ADAM12: variants seen among roughly 807,000 people sequenced by gnomAD.
ADAM12 encodes the protein ADAM metallopeptidase domain 12, also known as disintegrin and metalloproteinase domain-containing protein 12.
In ADAM12, 70 loss-of-function variants were observed where a neutral mutation model predicts 106.4. The observed-to-expected ratio is 0.66, with a 90% CI of 0.54 to 0.80. ADAM12 has a LOEUF of 0.80. Among genes scored for constraint, ADAM12 ranks in the 30% least tolerant of loss-of-function variants. The probability of loss-of-function intolerance (pLI) is 0.00; values close to 1 mark genes in which losing one functional copy is unlikely to be tolerated. For synonymous variants in ADAM12, 420 were observed against 433.5 expected (o/e 0.97, Z 0.39); for missense variants, 1,010 against 1,171.9 (o/e 0.86, Z 2.02).
intron 1 of ADAM12, among the ~76,000 whole-genome samples, chr10:126,331,704 C>T (rs1460385219): frequency 6.6e-6 from 1 of 152,160 alleles, no homozygotes; most frequent in Non-Finnish European, 1.5e-5. Context: ...GGCTGAGCTG[C>T]AACCCTCGAC....
Position 126,019,661 on chromosome 10 carries a change from A to G in ADAM12, c.2660+34T>C, listed in dbSNP as rs370639488. The G allele has an allele frequency of 1.4e-4, 229 of 1,603,376 alleles. 1 individual carries two copies. The African/African-American group carries it at 2.7e-3, about 19-fold the overall frequency. On this transcript the variant is annotated intron_variant, in intron 22 of 22. Transcript: ENST00000448723. ...GTGGTTGGTCCCACAAGAGTTTGAG[A>G]GAGAAAGAGATGGGCATGGCATGTC...
intron 13 of ADAM12, among the ~76,000 whole-genome samples, chr10:126,065,995 C>T (rs1489986989): frequency 6.6e-6 from 1 of 152,164 alleles, no homozygotes; most frequent in East Asian, 1.9e-4. Flanking sequence ...TGTTATAATG[C>T]ACTTCTAAAT....
intron 18 of ADAM12, among the ~76,000 whole-genome samples, chr10:126,040,486 C>A (rs61863619): frequency 6.6e-6 from 1 of 152,146 alleles, no homozygotes; most frequent in Non-Finnish European, 1.5e-5. Context: ...TCTTTCACAC[C>A]TTCTTGGTTT....
chr10:126,082,363 GTTTTT>G (rs5788763), intron 11 of ADAM12, among the ~76,000 whole-genome samples: 6 of 80,780 alleles, frequency 7.4e-5, no homozygotes, highest in Admixed American at 3.6e-4. Context: ...TCTAATGACT[GTTTTT>G]TTTTTTTTTT....
intron 3 of ADAM12, among the ~76,000 whole-genome samples, chr10:126,260,390 C>G (rs1174968213): frequency 5.3e-5 from 8 of 152,204 alleles, no homozygotes; most frequent in Non-Finnish European, 1.0e-4. Flanking sequence ...GCCCCAAACA[C>G]TTAAAATTTC....
rs189640108 is a variant in ADAM12 at position 126,139,161 on chromosome 10, G to A, written c.340-3501C>T. On this transcript the variant is annotated intron_variant, in intron 4 of 22. Transcript: ENST00000448723. ...ATTACACTGAAGTACAGGTCAGTTT[G>A]GGAAGAACTTATATTTTCATAATAA... Among the ~76,000 whole-genome samples, 391 of 152,206 alleles carry A rather than the reference G, an allele frequency of 2.6e-3. 2 individuals carry two copies. Among genetic ancestry groups the A allele is most frequent in the African/African-American group, 9.1e-3 (378 of 41,538 alleles).
At chr10:126,258,128 T>C (rs1182983528) in intron 3 of ADAM12, among the ~76,000 whole-genome samples, 1 of 152,214 alleles carries the variant, frequency 6.6e-6, no homozygotes, top group Non-Finnish European at 1.5e-5. Context: ...CAATCCACTG[T>C]CTACTGACAA....
chr10:126,300,897 A>T (rs1960593109), intron 2 of ADAM12, among the ~76,000 whole-genome samples: 1 of 152,150 alleles, frequency 6.6e-6, no homozygotes, highest in Non-Finnish European at 1.5e-5. Flanking sequence ...AGGCAGCTTG[A>T]AGCTTTCTGT....
intron 3 of ADAM12, among the ~76,000 whole-genome samples, chr10:126,244,974 T>C (rs1161859300): frequency 1.3e-5 from 2 of 152,170 alleles, no homozygotes; most frequent in Middle Eastern, 3.4e-3. Context: ...CATCCAGCTA[T>C]GTTTGAAGAT....
intron 11 of ADAM12, among the ~76,000 whole-genome samples, chr10:126,083,218 C>T (rs576037658): frequency 6.6e-6 from 1 of 152,370 alleles, no homozygotes; most frequent in Admixed American, 6.5e-5. Flanking sequence ...TCACTGACAC[C>T]TCTGGGAGCC....
chr10:126,043,944 A>G lies in ADAM12; in HGVS notation c.1996-796T>C, dbSNP rs972530539. ...GCTTCACCCTTGTTGGGCCCAGCTC[A>G]TAGACCAGAGCATTCCATGCAGGGG... On this transcript the variant is annotated intron_variant, in intron 17 of 22. Transcript: ENST00000448723. This position sits in a 1 kb window ranked among gnomAD's most constrained non-coding sequence, Gnocchi z 4.1. Among the ~76,000 whole-genome samples the G allele has an allele frequency of 1.3e-5, 2 of 152,280 alleles. No individual in the cohort carries two copies. The highest frequency in any genetic ancestry group is 1.3e-4 in the Admixed American group (2 of 15,300).
chr10:126,276,982 G>A (rs1461319096), intron 3 of ADAM12, among the ~76,000 whole-genome samples: 3 of 152,058 alleles, frequency 2.0e-5, no homozygotes, highest in Admixed American at 6.5e-5. Flanking sequence ...ACAACCAGAC[G>A]GGCTCTAAGA....
chr10:126,310,504 G>C (rs945403631), intron 2 of ADAM12, among the ~76,000 whole-genome samples: 1 of 152,172 alleles, frequency 6.6e-6, no homozygotes, highest in Non-Finnish European at 1.5e-5. Context: ...TTCCAAGCAA[G>C]TGGTAGGGTA....
rs547005171 is a variant in ADAM12, at chr10:126,229,389, T to C, written c.260+49526A>G. Among the ~76,000 whole-genome samples, 3 of 152,344 alleles carry C rather than the reference T, an allele frequency of 2.0e-5. No individual in the cohort carries two copies. In the South Asian group the frequency reaches 6.2e-4, roughly 32 times the overall value. The stretch of plus-strand genomic sequence containing the variant: ...GCATGGCAGTTCTGAGGATAAATTA[T>C]GTTTGATGCATTTGAAGACTTTCAT... On this transcript the variant is annotated intron_variant, in intron 3 of 22. Coordinates refer to ENST00000448723, the MANE Select transcript of ADAM12 (RefSeq NM_001288973.2).
chr10:126,301,435 C>A (rs917623082), intron 2 of ADAM12, among the ~76,000 whole-genome samples: 1 of 152,124 alleles, frequency 6.6e-6, no homozygotes, highest in African/African-American at 2.4e-5. Flanking sequence ...CATTCAGTCC[C>A]CAAATGAAGA....
chr10:126,103,976 G>A (rs1955716490), intron 8 of ADAM12, among the ~76,000 whole-genome samples: 1 of 152,200 alleles, frequency 6.6e-6, no homozygotes, highest in Non-Finnish European at 1.5e-5. Context: ...CTCCAATACA[G>A]TGAACTGCCA....
At chr10:126,096,358 T>A (rs989707235) in intron 10 of ADAM12, among the ~76,000 whole-genome samples, 11 of 152,244 alleles carry the variant, frequency 7.2e-5, no homozygotes, top group African/African-American at 2.7e-4. Context: ...AAGACCTTGA[T>A]AAACAGTTTA....
intron 3 of ADAM12, among the ~76,000 whole-genome samples, chr10:126,182,671 A>G (rs1012048137): frequency 1.3e-5 from 2 of 152,210 alleles, no homozygotes; most frequent in Admixed American, 6.5e-5. Flanking sequence ...GATTCAAAGC[A>G]AATATTGATC....
At chr10:126,039,785 A>G (rs1291331553) in intron 18 of ADAM12, among the ~76,000 whole-genome samples, 2 of 152,054 alleles carry the variant, frequency 1.3e-5, no homozygotes, top group African/African-American at 4.8e-5. Context: ...CTGGAATCAC[A>G]GCCATCCCCA....
Sources: allele counts gnomAD v4.1 joint callset (sites outside exome capture counted in the v4.1 genomes callset), GRCh38; gene constraint gnomAD v4.1.1; non-coding constraint Gnocchi (gnomAD v3.1); transcripts MANE v1.5; gene names NCBI Gene and HGNC (gene_info 2026-07-23, HGNC 2026-07-21).